The following TIMP3 variants were observed in gnomAD, a reference collection of about 807,000 sequenced individuals.
TIMP3 encodes the protein TIMP metallopeptidase inhibitor 3.
A neutral mutation model predicts 30.0 loss-of-function variants in TIMP3; 11 were observed. That is an observed-to-expected ratio of 0.37 (90% CI 0.23 to 0.61). TIMP3 has a LOEUF of 0.61. TIMP3 is among the 20% of genes least tolerant of loss of function. TIMP3 has a pLI of 0.70. For synonymous variants in TIMP3, 112 were observed against 111.3 expected, an observed-to-expected ratio of 1.01 and a Z score of -0.04; for missense variants, 181 against 276.8, an observed-to-expected ratio of 0.65 and a Z score of 2.45.
At chr22:32,820,270 G>A (rs968706183) in intron 1 of TIMP3, among the ~76,000 whole-genome samples, 4 of 109,276 alleles carry the variant, frequency 3.7e-5, no homozygotes, top group Non-Finnish European at 8.6e-5. Flanking sequence ...GTGCGTGCGC[G>A]TGTGTGTGTG....
chr22:32,809,646 T>C (rs868224711), intron 1 of TIMP3, among the ~76,000 whole-genome samples: 1 of 152,240 alleles, frequency 6.6e-6, no homozygotes, highest in African/African-American at 2.4e-5. Flanking sequence ...AATTAAAATA[T>C]AACTAGAACT....
At chr22:32,858,712 C>T (rs1189997180) in intron 4 of TIMP3, among the ~76,000 whole-genome samples, 1 of 152,190 alleles carries the variant, frequency 6.6e-6, no homozygotes, top group Non-Finnish European at 1.5e-5. Context: ...CTATGATCTC[C>T]ATTCTGCAGA....
At chr22:32,843,982 C>T (rs2047988633) in intron 1 of TIMP3, among the ~76,000 whole-genome samples, 2 of 152,082 alleles carry the variant, frequency 1.3e-5, no homozygotes, top group Admixed American at 1.3e-4. Context: ...TAGCATGAAT[C>T]AACTCCTAAG....
chr22:32,841,534 A>G (rs893357557), intron 1 of TIMP3, among the ~76,000 whole-genome samples: 2 of 152,136 alleles, frequency 1.3e-5, no homozygotes, highest in Non-Finnish European at 2.9e-5. Flanking sequence ...GGTGCAGGGA[A>G]GGCCTGTTAT....
intron 1 of TIMP3, among the ~76,000 whole-genome samples, chr22:32,813,071 A>G (rs1179359499): frequency 2.6e-5 from 4 of 152,160 alleles, no homozygotes; most frequent in African/African-American, 9.7e-5. Flanking sequence ...CTTGTCATCC[A>G]TGCCATGTCA....
intron 2 of TIMP3, among the ~76,000 whole-genome samples, chr22:32,849,963 A>T (rs181201743): frequency 2.0e-5 from 3 of 152,004 alleles, no homozygotes; most frequent in Non-Finnish European, 4.4e-5. Flanking sequence ...TACAGGTTTC[A>T]TGCAGCCACT....
chr22:32,849,655 G>C, intron 2 of TIMP3, 121 bp downstream of exon 2: 2 of 847,838 alleles, frequency 2.4e-6, no homozygotes, highest in Non-Finnish European at 4.0e-6. Context: ...GCCAGACCCA[G>C]CCCTTCTGCC....
At chr22:32,839,570 C>T (rs964043650) in intron 1 of TIMP3, among the ~76,000 whole-genome samples, 1 of 152,166 alleles carries the variant, frequency 6.6e-6, no homozygotes, top group Non-Finnish European at 1.5e-5. Context: ...AGGACTTTTG[C>T]CCTGTCCCAG....
intron 1 of TIMP3, among the ~76,000 whole-genome samples, chr22:32,843,241 C>T (rs1487723756): frequency 1.3e-5 from 2 of 152,230 alleles, no homozygotes; most frequent in Non-Finnish European, 2.9e-5. Context: ...TGCTTGGCAC[C>T]TAAGAGGCAT....
At position 32,815,202 on chromosome 22, in the gene TIMP3, C is replaced by T. The variant is rs9606996; in HGVS notation, c.121+13080C>T. ...CTGTGCACAGGGATATGGGGCTGTT[C>T]GAGGTACTTTTGGGCTGACCAAGGC... On this transcript the variant is annotated intron_variant, in intron 1 of 4. Coordinates refer to ENST00000266085, the MANE Select transcript of TIMP3 (RefSeq NM_000362.5). Among the ~76,000 whole-genome samples, 949 of 152,276 alleles carry T rather than the reference C, an allele frequency of 6.2e-3. 6 individuals carry two copies. The highest frequency in any genetic ancestry group is 0.01 in the Non-Finnish European group (714 of 68,024).
At chr22:32,831,647 T>C (rs2047577561) in intron 1 of TIMP3, among the ~76,000 whole-genome samples, 1 of 152,288 alleles carries the variant, frequency 6.6e-6, no homozygotes, top group Admixed American at 6.5e-5. Context: ...CTTCTGTATG[T>C]AGATTTCAGA....
At chr22:32,831,138 G>A (rs2047562786) in intron 1 of TIMP3, among the ~76,000 whole-genome samples, 1 of 152,172 alleles carries the variant, frequency 6.6e-6, no homozygotes, top group Non-Finnish European at 1.5e-5. Flanking sequence ...AGGTGGCAGC[G>A]TGACCCTTAT....
At chr22:32,825,645 G>A (rs1475382914) in intron 1 of TIMP3, among the ~76,000 whole-genome samples, 2 of 103,560 alleles carry the variant, frequency 1.9e-5, no homozygotes, top group Non-Finnish European at 3.5e-5. Flanking sequence ...GCGACAGAGC[G>A]AGTTTCCATC....
At chr22:32,828,733 G>A (rs1229767160) in intron 1 of TIMP3, among the ~76,000 whole-genome samples, 1 of 152,212 alleles carries the variant, frequency 6.6e-6, no homozygotes, top group East Asian at 1.9e-4. Flanking sequence ...TTCTTGGCCG[G>A]TTCTGGGAGA....
intron 1 of TIMP3, among the ~76,000 whole-genome samples, chr22:32,823,663 C>T (rs1345573276): frequency 6.6e-6 from 1 of 152,156 alleles, no homozygotes; most frequent in Non-Finnish European, 1.5e-5. Context: ...AGCATGGTAA[C>T]TGGCTGAGGC....
Position 32,861,500 on chromosome 22 carries a change from C to T in TIMP3, c.*2123C>T, listed in dbSNP as rs2048536639. On this transcript the variant is annotated 3_prime_UTR_variant, in exon 5 of 5. Transcript: ENST00000266085. ...GGTCTCGCATGGTGGGGCCCCTGAC[C>T]AACCTACACAAGTTCCCTCCCACAA... 1 of 152,242 alleles carries T rather than the reference C, an allele frequency of 6.6e-6. No homozygotes were observed. The highest frequency in any genetic ancestry group is 2.4e-5 in the African/African-American group (1 of 41,440). 9.4% of individuals were successfully genotyped at this position (152,242 alleles called of 1,614,324 possible). A position where few individuals can be genotyped will look rare whatever the true frequency, so the allele number is the denominator to read the frequency against.
chr22:32,822,704 A>G (rs1361677089), intron 1 of TIMP3, among the ~76,000 whole-genome samples: 1 of 152,228 alleles, frequency 6.6e-6, no homozygotes, highest in Non-Finnish European at 1.5e-5. Context: ...CTAAGGTGTC[A>G]TCAGTGCTGT....
At chr22:32,838,752 C>T (rs1228282756) in intron 1 of TIMP3, among the ~76,000 whole-genome samples, 3 of 151,980 alleles carry the variant, frequency 2.0e-5, no homozygotes, top group Non-Finnish European at 4.4e-5. Context: ...AACACAAAAC[C>T]ATCCCCGTCT....
chr22:32,811,525 G>A (rs116450667), intron 1 of TIMP3, among the ~76,000 whole-genome samples: 193 of 152,248 alleles, frequency 1.3e-3, no homozygotes, highest in African/African-American at 4.3e-3. Flanking sequence ...TGATCCCCCC[G>A]CCTCCAAATC....
Sources: gnomAD v4.1 joint callset for allele counts (sites outside exome capture counted in the v4.1 genomes callset) on GRCh38, gnomAD v4.1.1 for gene constraint, MANE v1.5 for transcripts, NCBI Gene and HGNC (gene_info 2026-07-23, HGNC 2026-07-21) for gene names.